The following BCAS3 variants were observed in gnomAD, a reference collection of about 807,000 sequenced individuals.
BCAS3 encodes BCAS3 microtubule associated cell migration factor.
BCAS3 carries 53 observed loss-of-function variants against 116.1 expected under a neutral mutation model. The observed-to-expected ratio is 0.46, with a 90% confidence interval of 0.37 to 0.57. The LOEUF (loss-of-function observed/expected upper bound fraction) is 0.57, where lower values mean the gene tolerates loss of function less well. Ranked by LOEUF, BCAS3 falls within the 20% of genes least tolerant of loss-of-function variation. The pLI is 0.00. For synonymous variants in BCAS3, 391 were observed against 408.2 expected, an observed-to-expected ratio of 0.96 and a Z score of 0.51; for missense variants, 917 against 1,165.4, an observed-to-expected ratio of 0.79 and a Z score of 3.10.
At chr17:60,908,957 T>C (rs1419495661) in intron 11 of BCAS3, among the ~76,000 whole-genome samples, 4 of 152,186 alleles carry the variant, frequency 2.6e-5, no homozygotes. Flanking sequence ...CAGTACAGGA[T>C]AGTGTAAAAA....
At chr17:61,120,884 A>G (rs1295097256) in intron 22 of BCAS3, among the ~76,000 whole-genome samples, 2 of 152,138 alleles carry the variant, frequency 1.3e-5, no homozygotes, top group African/African-American at 2.4e-5. Context: ...CTCTTTTAAT[A>G]TGTAAGTTTA....
rs2058157166 is a variant in BCAS3, at chr17:61,356,719, G to C, written c.2426-11608G>C. The C allele has an allele frequency of 6.6e-6, 1 of 152,256 alleles. No homozygotes were observed. The highest frequency in any genetic ancestry group is 1.5e-5 in the Non-Finnish European group (1 of 68,046). 9.4% of individuals were successfully genotyped at this position (152,256 alleles called of 1,614,324 possible). A position where few individuals can be genotyped will look rare whatever the true frequency, so the allele number is the denominator to read the frequency against. ...TTTAAAATCAACTCCTTCCAGAGTTGTTCTTCTAGCCCTTTCTGATCTGAT... is the reference window on the plus strand; with the variant it reads ...TTTAAAATCAACTCCTTCCAGAGTTCTTCTTCTAGCCCTTTCTGATCTGAT... On this transcript the variant is annotated intron_variant, in intron 22 of 23. Coordinates refer to ENST00000407086, the MANE Select transcript of BCAS3 (RefSeq NM_017679.5). The surrounding 1 kb of genome is among the most constrained non-coding windows in gnomAD (Gnocchi z 5.4).
intron 7 of BCAS3, among the ~76,000 whole-genome samples, chr17:60,860,151 C>A (rs1217896653): frequency 6.6e-6 from 1 of 152,170 alleles, no homozygotes; most frequent in Non-Finnish European, 1.5e-5. Context: ...CACAACCTCG[C>A]TAGCATCTAT....
At chr17:60,846,249 G>GT (rs913673970) in intron 7 of BCAS3, among the ~76,000 whole-genome samples, 2 of 152,046 alleles carry the variant, frequency 1.3e-5, no homozygotes, top group Non-Finnish European at 2.9e-5. Context: ...TTCTTTATCA[G>GT]TTTTTTCAGT....
intron 22 of BCAS3, among the ~76,000 whole-genome samples, chr17:61,301,616 G>A (rs1483713031): frequency 6.6e-6 from 1 of 152,166 alleles, no homozygotes; most frequent in African/African-American, 2.4e-5. Context: ...GGATGACAGT[G>A]AGAGACTCTG....
chr17:60,719,502 ATTATT>A (rs370114061), intron 5 of BCAS3, among the ~76,000 whole-genome samples: 3 of 152,380 alleles, frequency 2.0e-5, no homozygotes, highest in African/African-American at 7.2e-5. Context: ...GCAATCATGT[ATTATT>A]TTATTTCACA....
chr17:61,140,288 A>G lies in BCAS3; in HGVS notation c.2425+55724A>G, dbSNP rs1462629330. On this transcript the variant is annotated intron_variant, in intron 22 of 23. Coordinates refer to ENST00000407086, the MANE Select transcript of BCAS3 (RefSeq NM_017679.5). The surrounding 1 kb of genome is among the most constrained non-coding windows in gnomAD (Gnocchi z 4.2). Reference sequence around the variant, plus strand: ...CATACACATACTGGACCAATTTGGGAAAGTACGGAAGTTTGCTTTGAATAT... The same window carrying G: ...CATACACATACTGGACCAATTTGGGGAAGTACGGAAGTTTGCTTTGAATAT... Among the ~76,000 whole-genome samples the G allele has an allele frequency of 6.6e-6, 1 of 152,184 alleles. No homozygotes were observed. Among genetic ancestry groups the G allele is most frequent in the Non-Finnish European group, 1.5e-5 (1 of 68,040 alleles).
At chr17:61,168,455 A>T (rs1247340175) in intron 22 of BCAS3, among the ~76,000 whole-genome samples, 1 of 152,206 alleles carries the variant, frequency 6.6e-6, no homozygotes, top group Non-Finnish European at 1.5e-5. Context: ...TTTAACAGGG[A>T]CTTTGAATGC....
At chr17:60,969,176 AC>A (rs1447301094) in intron 14 of BCAS3, among the ~76,000 whole-genome samples, 14 of 152,158 alleles carry the variant, frequency 9.2e-5, no homozygotes, top group African/African-American at 3.1e-4. Flanking sequence ...AAATCTCGGT[AC>A]TATATATTTG....
chr17:61,038,239 C>T (rs1346316195), intron 18 of BCAS3, among the ~76,000 whole-genome samples, 185 bp downstream of exon 18: 1 of 151,976 alleles, frequency 6.6e-6, no homozygotes, highest in Non-Finnish European at 1.5e-5. Context: ...CTTCTTTCAC[C>T]CCCTTTGTCT....
chr17:60,765,495 C>G (rs1053506913), intron 6 of BCAS3, among the ~76,000 whole-genome samples: 15 of 152,240 alleles, frequency 9.9e-5, no homozygotes, highest in African/African-American at 3.1e-4. Flanking sequence ...AAATTCTTTT[C>G]TTTAAAAATG....
intron 22 of BCAS3, among the ~76,000 whole-genome samples, chr17:61,127,054 A>G (rs1230496477): frequency 6.6e-6 from 1 of 152,116 alleles, no homozygotes; most frequent in Non-Finnish European, 1.5e-5. Context: ...AAAAGAGAGA[A>G]AAAAAAGGAT....
rs148660797 is a variant in BCAS3, at chr17:61,214,135, C to T, written c.2425+129571C>T. Among the ~76,000 whole-genome samples the T allele has an allele frequency of 4.1e-4, 63 of 151,980 alleles. 1 individual carries two copies. In the East Asian group the frequency reaches 0.011, roughly 26 times the overall value. On this transcript the variant is annotated intron_variant, in intron 22 of 23. Transcript: ENST00000407086. The surrounding 1 kb of genome is among the most constrained non-coding windows in gnomAD (Gnocchi z 4.4). ...GTAATCCCAGCATTTTGGGAGACCT[C>T]ACAAGGATCACGTGAGGTCAGGAGT... is the stretch of plus-strand genomic sequence containing the variant.
chr17:60,990,028 G>A lies in BCAS3; in HGVS notation c.1279G>A (p.Gly427Ser). 1 of 1,614,064 alleles carries A rather than the reference G, an allele frequency of 6.2e-7. No individual in the cohort carries two copies. Among genetic ancestry groups the A allele is most frequent in the Non-Finnish European group, 8.5e-7 (1 of 1,180,004 alleles). ...CTGGGTTGTGGTCAGTACTCTCCGG[G>A]GTACTTCCCACGTTTTCCCCATCAA... ...CRWVVVSTLRGTSHVFPINPY... is the reference protein window; with the variant it reads ...CRWVVVSTLRSTSHVFPINPY... The change falls in exon 15 of 24, where the codon GGT becomes AGT. Residue 427 changes from glycine (G) to serine (S), a missense_variant. Physicochemically the swap from Gly to Ser is moderately conservative, Grantham distance 56. Transcript: ENST00000407086. This position sits in a 1 kb window ranked among gnomAD's most constrained non-coding sequence, Gnocchi z 5.1.
Position 61,162,845 on chromosome 17 carries a change from G to A in BCAS3, c.2425+78281G>A, listed in dbSNP as rs916981337. On this transcript the variant is annotated intron_variant, in intron 22 of 23. Coordinates refer to ENST00000407086, the MANE Select transcript of BCAS3 (RefSeq NM_017679.5). This position sits in a 1 kb window ranked among gnomAD's most constrained non-coding sequence, Gnocchi z 5.6. The stretch of plus-strand genomic sequence containing the variant: ...TTACATTCTTAATGTTTTGCCTTTT[G>A]TTGTTATTTGGGACACTCAAGAGGA... Among the ~76,000 whole-genome samples the A allele has an allele frequency of 6.6e-6, 1 of 152,130 alleles. No homozygotes were observed. Among genetic ancestry groups the A allele is most frequent in the Non-Finnish European group, 1.5e-5 (1 of 68,018 alleles).
chr17:61,262,829 A>AT (rs534582104), intron 22 of BCAS3, among the ~76,000 whole-genome samples: 166 of 151,072 alleles, frequency 1.1e-3, no homozygotes, highest in Non-Finnish European at 1.9e-3. Context: ...AGTAGCTGGG[A>AT]TTACAGGCAT....
rs1394566003 is a variant in BCAS3, at chr17:61,065,510, C to T, written c.2030-9410C>T. ...GTTGGCCTTTGGGTGAACTTTGAGC[C>T]TGAGCTGTTTCATTCAAGGCAGCAT... is the stretch of plus-strand genomic sequence containing the variant. On this transcript the variant is annotated intron_variant, in intron 19 of 23. Transcript: ENST00000407086. This position sits in a 1 kb window ranked among gnomAD's most constrained non-coding sequence, Gnocchi z 4.8. Among the ~76,000 whole-genome samples, 1 of 152,154 alleles carries T rather than the reference C, an allele frequency of 6.6e-6. No homozygotes were observed. Among genetic ancestry groups the T allele is most frequent in the Admixed American group, 6.5e-5 (1 of 15,276 alleles).
intron 22 of BCAS3, among the ~76,000 whole-genome samples, chr17:61,166,586 CG>C (rs1568489965): frequency 6.6e-6 from 1 of 151,832 alleles, no homozygotes; most frequent in Admixed American, 6.6e-5. Context: ...TTAGTGGACA[CG>C]GGGTTTCACC....
rs2082835293 is a variant in BCAS3 at position 61,233,837 on chromosome 17, G to A, written c.2426-134490G>A. 6.6e-6 allele frequency among the ~76,000 whole-genome samples: 1 copy of A among 152,160 alleles called. No homozygotes were observed. The highest frequency in any genetic ancestry group is 1.5e-5 in the Non-Finnish European group (1 of 68,038). On this transcript the variant is annotated intron_variant, in intron 22 of 23. Coordinates refer to ENST00000407086, the MANE Select transcript of BCAS3 (RefSeq NM_017679.5). This position sits in a 1 kb window ranked among gnomAD's most constrained non-coding sequence, Gnocchi z 4.3. Reference sequence around the variant, plus strand: ...GATGCTTTGGTTAATGGAGGGCACAGGGAGAATCTCTCTCTGGCTTCAGTT... The same window carrying A: ...GATGCTTTGGTTAATGGAGGGCACAAGGAGAATCTCTCTCTGGCTTCAGTT...
Sources: gnomAD v4.1 joint callset for allele counts (sites outside exome capture counted in the v4.1 genomes callset) on GRCh38, gnomAD v4.1.1 for gene constraint, Gnocchi (gnomAD v3.1) non-coding constraint, MANE v1.5 for transcripts, NCBI Gene and HGNC (gene_info 2026-07-23, HGNC 2026-07-21) for gene names.